The following ADA2 variants were observed in gnomAD, a reference collection of about 807,000 sequenced individuals.
The protein encoded by ADA2 is adenosine deaminase CECR1.
In ADA2, 29 loss-of-function variants were observed where a neutral mutation model predicts 44.2. That is an observed-to-expected ratio of 0.66 (90% confidence interval 0.49 to 0.89). The LOEUF is 0.89. Ranked by LOEUF, ADA2 falls within the 40% of genes least tolerant of loss-of-function variation. The probability of loss-of-function intolerance (pLI) is 0.00; values close to 1 mark genes in which losing one functional copy is unlikely to be tolerated. For missense variants in ADA2, 637 were observed against 644.8 expected (o/e 0.99, Z 0.13); for synonymous variants, 215 against 234.9 (o/e 0.92, Z 0.77).
At chr22:17,194,019 G>GAAAAAAAAAAAA (rs34572644) in intron 4 of ADA2, among the ~76,000 whole-genome samples, 1 of 123,046 alleles carries the variant, frequency 8.1e-6, no homozygotes. Flanking sequence ...AAAAAGGAAT[G>GAAAAAAAAAAAA]AAAAAAAAAA....
At chr22:17,213,905 G>T (rs778282368) in intron 1 of ADA2, 3 of 317,044 alleles carry the variant, frequency 9.5e-6, no homozygotes. Context: ...TGGGCGTGGT[G>T]GTGTGTGCCT....
At chr22:17,204,665 G>T (rs2062332698) in intron 3 of ADA2, among the ~76,000 whole-genome samples, 1 of 151,836 alleles carries the variant, frequency 6.6e-6, no homozygotes, top group Non-Finnish European at 1.5e-5. Context: ...CAGAGGAAAG[G>T]CCATGTGAGT....
At chr22:17,187,946 T>C (rs2062056091) in intron 7 of ADA2, among the ~76,000 whole-genome samples, 1 of 151,108 alleles carries the variant, frequency 6.6e-6, no homozygotes, top group African/African-American at 2.4e-5. Context: ...CTACTAAAAA[T>C]ACAAAAAATT....
intron 5 of ADA2, 24 bp from the exon 6 acceptor site, chr22:17,190,056 G>A (rs1189505515): frequency 1.3e-6 from 2 of 1,562,018 alleles, no homozygotes; most frequent in Non-Finnish European, 1.8e-6. Context: ...AGAGAAGCCA[G>A]GAGACAGTGC....
intron 4 of ADA2, among the ~76,000 whole-genome samples, chr22:17,200,698 A>G (rs933287835): frequency 1.3e-5 from 2 of 152,068 alleles, no homozygotes; most frequent in African/African-American, 4.8e-5. Context: ...CCTAGCCAAC[A>G]TGGTAAAACC....
At chr22:17,181,676 C>A in intron 9 of ADA2, 100 bp from the exon 10 acceptor site, 1 of 1,082,332 alleles carries the variant, frequency 9.2e-7, no homozygotes, top group Non-Finnish European at 1.4e-6. Flanking sequence ...GCACTCTCCC[C>A]AGGCCAGCAG....
In ADA2 at chr22:17,188,320, T is replaced by TG. The variant is rs749835835; in HGVS notation, c.1081+18_1081+19insC. The TG allele has an allele frequency of 1.1e-4, 182 of 1,591,046 alleles. No individual in the cohort carries two copies. In the African/African-American group the frequency reaches 2.0e-3, roughly 17 times the overall value. The stretch of plus-strand genomic sequence containing the variant: ...CATTGACCACCTCCGCTGCCTCTGC[T>TG]CGCATCCCGCAGGCTCACCTGTTTC... On this transcript the variant is annotated intron_variant, in intron 7 of 9. Coordinates refer to ENST00000399837, the MANE Select transcript of ADA2 (RefSeq NM_001282225.2).
chr22:17,202,920 C>A (rs2062308272), intron 4 of ADA2, among the ~76,000 whole-genome samples: 1 of 151,852 alleles, frequency 6.6e-6, no homozygotes, highest in African/African-American at 2.4e-5. Context: ...GTAGCTGGGA[C>A]TACAGGCTCA....
intron 7 of ADA2, 59 bp downstream of exon 7, chr22:17,188,280 G>A: frequency 7.9e-7 from 1 of 1,263,126 alleles, no homozygotes. Flanking sequence ...ATGGGCCTGT[G>A]GCCAGGAGCT....
At chr22:17,197,151 C>T (rs549030984) in intron 4 of ADA2, among the ~76,000 whole-genome samples, 53 of 152,192 alleles carry the variant, frequency 3.5e-4, no homozygotes, top group African/African-American at 1.1e-3. Context: ...CCAGCCTGGA[C>T]GACAGATTGG....
intron 7 of ADA2, among the ~76,000 whole-genome samples, chr22:17,183,738 AG>A (rs2062001847): frequency 6.6e-6 from 1 of 152,032 alleles, no homozygotes; most frequent in Non-Finnish European, 1.5e-5. Flanking sequence ...CTGTGATTAT[AG>A]GCATGAGCCA....
chr22:17,208,710 G>A (rs1169178956), intron 2 of ADA2, among the ~76,000 whole-genome samples: 2 of 151,858 alleles, frequency 1.3e-5, no homozygotes, highest in African/African-American at 2.4e-5. Flanking sequence ...GGCTGAGGCA[G>A]GAGAATCACT....
chr22:17,190,073 C>A, intron 5 of ADA2, 41 bp from the exon 6 acceptor site: 3 of 1,465,812 alleles, frequency 2.0e-6, no homozygotes, highest in Non-Finnish European at 2.9e-6. Flanking sequence ...GTGCCCAGCA[C>A]CGACAGAGCA....
chr22:17,185,239 C>T (rs991626345), intron 7 of ADA2, among the ~76,000 whole-genome samples: 3 of 150,696 alleles, frequency 2.0e-5, no homozygotes, highest in Admixed American at 6.6e-5. Flanking sequence ...GGTGAAACCC[C>T]GTCTCTACTA....
At chr22:17,200,004 G>A (rs1006016897) in intron 4 of ADA2, among the ~76,000 whole-genome samples, 8 of 152,076 alleles carry the variant, frequency 5.3e-5, no homozygotes, top group South Asian at 2.1e-4. Context: ...AAACCAGCCT[G>A]GCCAATATGG....
upstream of ADA2, chr22:17,219,660 GGTTTGTTTTTTTTTT>G (rs1314002836): frequency 1.2e-5 from 1 of 86,940 alleles, no homozygotes; most frequent in East Asian, 4.1e-4. Flanking sequence ...GTGCATGTGG[GGTTTGTTTTTTTTTT>G]TTTTTTTTTT....
upstream of ADA2, among the ~76,000 whole-genome samples, chr22:17,220,176 A>G (rs776011312): frequency 9.9e-5 from 15 of 152,150 alleles, no homozygotes; most frequent in Non-Finnish European, 2.2e-4. Flanking sequence ...GAGAGTAAAA[A>G]GTAGCTATAA....
chr22:17,188,504 T>G, intron 6 of ADA2, 57 bp from the exon 7 acceptor site: 1 of 1,183,146 alleles, frequency 8.5e-7, no homozygotes. Context: ...CACTTGCTGA[T>G]GGCGCGCCCT....
rs894935026 is a variant in ADA2 at position 17,180,270 on chromosome 22, A to G, written c.*1213T>C. On this transcript the variant is annotated 3_prime_UTR_variant, in exon 10 of 10. Transcript: ENST00000399837. ...GGAGTATGGTAGCTTGGACTTGGCAACAGCGTGCAGGTAGAGCACCACCGC... is the reference window on the plus strand; with the variant it reads ...GGAGTATGGTAGCTTGGACTTGGCAGCAGCGTGCAGGTAGAGCACCACCGC... 13 of 152,296 alleles carry G rather than the reference A, an allele frequency of 8.5e-5. No individual in the cohort carries two copies. Among genetic ancestry groups the G allele is most frequent in the African/African-American group, 3.1e-4 (13 of 41,436 alleles). 9.4% of individuals were successfully genotyped at this position (152,296 alleles called of 1,614,324 possible).
Sources: gnomAD v4.1 joint callset for allele counts (sites outside exome capture counted in the v4.1 genomes callset) on GRCh38, gnomAD v4.1.1 for gene constraint, MANE v1.5 for transcripts, NCBI Gene and HGNC (gene_info 2026-07-23, HGNC 2026-07-21) for gene names.